Variants in TBCK observed in about 807,000 individuals in gnomAD.
TBCK encodes TBC domain-containing protein kinase-like protein.
TBCK carries 99 observed loss-of-function variants against 113.4 expected under a neutral mutation model. The ratio of observed to expected loss-of-function variants is 0.87; its 90% CI spans 0.74 to 1.03. The LOEUF (loss-of-function observed/expected upper bound fraction) is 1.03, where lower values mean the gene tolerates loss of function less well. Among genes scored for constraint, TBCK ranks in the 50% least tolerant of loss-of-function variants. The pLI, the probability that TBCK is intolerant of heterozygous loss-of-function variation, is 0.00. For synonymous variants in TBCK, 369 were observed against 370.8 expected (o/e 1.00, Z 0.05); for missense variants, 1,045 against 1,061.3 (o/e 0.98, Z 0.21).
At chr4:106,272,007 C>G (rs1336607846) in intron 3 of TBCK, among the ~76,000 whole-genome samples, 2 of 152,008 alleles carry the variant, frequency 1.3e-5, no homozygotes, top group African/African-American at 4.8e-5. Flanking sequence ...AATAAGTTCC[C>G]AGGTGATAAT....
chr4:106,116,111 A>AAT, intron 24 of TBCK, 92 bp downstream of exon 24: 1 of 1,246,290 alleles, frequency 8.0e-7, no homozygotes, highest in Non-Finnish European at 1.1e-6. Flanking sequence ...AGAATCCCAG[A>AAT]ATTTTTTTTT....
chr4:106,307,212 A>G (rs1047374890), intron 2 of TBCK, among the ~76,000 whole-genome samples: 3 of 152,140 alleles, frequency 2.0e-5, no homozygotes, highest in Admixed American at 2.0e-4. Flanking sequence ...ATTTTTCCTT[A>G]ATTTCCTTCG....
chr4:106,051,747 T>C (rs575398400), intron 25 of TBCK, among the ~76,000 whole-genome samples: 2 of 151,812 alleles, frequency 1.3e-5, no homozygotes, highest in Non-Finnish European at 2.9e-5. Context: ...AAACAGAATA[T>C]GGGGTGATTT....
intron 2 of TBCK, among the ~76,000 whole-genome samples, chr4:106,296,661 C>G (rs1428822721): frequency 6.6e-6 from 1 of 151,660 alleles, no homozygotes; most frequent in Non-Finnish European, 1.5e-5. Context: ...ACAGAATGAT[C>G]TGAAACACAA....
intron 12 of TBCK, among the ~76,000 whole-genome samples, chr4:106,238,900 G>C (rs969605005): frequency 1.3e-4 from 20 of 152,072 alleles, no homozygotes; most frequent in Admixed American, 6.6e-4. Context: ...AGACTAATAC[G>C]AGAGAGAAAA....
intron 3 of TBCK, among the ~76,000 whole-genome samples, chr4:106,265,570 G>C (rs1283855195): frequency 6.6e-6 from 1 of 151,658 alleles, no homozygotes; most frequent in Non-Finnish European, 1.5e-5. Flanking sequence ...GAGACAGAGA[G>C]AGAGTGAGAG....
rs749925685 is a variant in TBCK at position 106,271,751 on chromosome 4, C to CA, written c.267-9540dup. Among the ~76,000 whole-genome samples, 745 of 77,526 alleles carry CA rather than the reference C, an allele frequency of 9.6e-3. 4 individuals carry two copies. The highest frequency in any genetic ancestry group is 0.05 in the South Asian group (114 of 2,266). 50.9% of individuals were successfully genotyped at this position (77,526 alleles called of 152,430 possible). On this transcript the variant is annotated intron_variant, in intron 3 of 25. Coordinates refer to ENST00000394708, the MANE Select transcript of TBCK (RefSeq NM_001163435.3). ...TGGGCGATAGAGCAAGACTTTGTCC[C>CA]AAAAAAAAAAAAAAACAAAACAAAA...
intron 24 of TBCK, among the ~76,000 whole-genome samples, chr4:106,095,971 C>T (rs920494617): frequency 6.6e-6 from 1 of 152,040 alleles, no homozygotes; most frequent in Non-Finnish European, 1.5e-5. Flanking sequence ...AGATGGACTA[C>T]ATATCTTACA....
At chr4:106,256,402 G>C (rs1339656816) in intron 5 of TBCK, among the ~76,000 whole-genome samples, 1 of 152,194 alleles carries the variant, frequency 6.6e-6, no homozygotes, top group Non-Finnish European at 1.5e-5. Context: ...AGTCCACAGG[G>C]AGTCAAGGCA....
chr4:106,232,821 C>A (rs1027046715), intron 17 of TBCK, 117 bp downstream of exon 17: 2 of 963,292 alleles, frequency 2.1e-6, no homozygotes, highest in Non-Finnish European at 3.0e-6. Flanking sequence ...TGAATCAGAG[C>A]GTCAATATTG....
At chr4:106,283,971 C>T (rs570850422) in intron 3 of TBCK, among the ~76,000 whole-genome samples, 22 of 152,144 alleles carry the variant, frequency 1.4e-4, no homozygotes, top group African/African-American at 5.1e-4. Flanking sequence ...AGAACTATTG[C>T]CAAGTTTGTA....
At chr4:106,191,487 G>T (rs1753659575) in intron 22 of TBCK, among the ~76,000 whole-genome samples, 1 of 152,034 alleles carries the variant, frequency 6.6e-6, no homozygotes, top group Non-Finnish European at 1.5e-5. Flanking sequence ...ATTTTGTTCA[G>T]GAATGAGGTG....
At chr4:106,263,838 A>G (rs1248422435) in intron 3 of TBCK, among the ~76,000 whole-genome samples, 2 of 151,978 alleles carry the variant, frequency 1.3e-5, no homozygotes, top group African/African-American at 2.4e-5. Context: ...TTTGTTTTCA[A>G]TTCTTCTGGT....
At chr4:106,272,488 ATTTT>A (rs746246379) in intron 3 of TBCK, among the ~76,000 whole-genome samples, 46 of 124,532 alleles carry the variant, frequency 3.7e-4, no homozygotes, top group East Asian at 6.8e-4. Flanking sequence ...TGTTTATTTA[ATTTT>A]TTTTTTTTTT....
intron 3 of TBCK, among the ~76,000 whole-genome samples, chr4:106,274,177 T>A (rs1560949772): frequency 6.6e-6 from 1 of 152,188 alleles, no homozygotes; most frequent in Admixed American, 6.5e-5. Flanking sequence ...CACTAGGATG[T>A]CTACAATCAA....
chr4:106,134,224 A>T (rs1746303457), intron 23 of TBCK, among the ~76,000 whole-genome samples: 1 of 152,034 alleles, frequency 6.6e-6, no homozygotes, highest in South Asian at 2.1e-4. Context: ...GGGAAACTGG[A>T]TTAATAGAAA....
At chr4:106,171,052 C>T (rs1241670680) in intron 23 of TBCK, 43 bp downstream of exon 23, 2 of 1,475,094 alleles carry the variant, frequency 1.4e-6, no homozygotes, top group East Asian at 4.8e-5. Context: ...TTTTAACATC[C>T]ATCTCCTTTT....
At chr4:106,114,956 C>T (rs962562631) in intron 24 of TBCK, among the ~76,000 whole-genome samples, 5 of 152,036 alleles carry the variant, frequency 3.3e-5, no homozygotes, top group African/African-American at 4.8e-5. Context: ...CCCTAACAAC[C>T]AGGGATATCA....
intron 3 of TBCK, among the ~76,000 whole-genome samples, chr4:106,288,212 G>A (rs929909329): frequency 2.0e-5 from 3 of 151,846 alleles, no homozygotes; most frequent in Non-Finnish European, 4.4e-5. Flanking sequence ...TGGGCAACAC[G>A]GTGCAACCCT....
Sources: allele counts gnomAD v4.1 joint callset (sites outside exome capture counted in the v4.1 genomes callset), GRCh38; gene constraint gnomAD v4.1.1; transcripts MANE v1.5; gene names NCBI Gene and HGNC (gene_info 2026-07-23, HGNC 2026-07-21).